The following DYNC1I1 variants were observed in gnomAD, a reference collection of about 807,000 sequenced individuals.
DYNC1I1 encodes the protein cytoplasmic dynein 1 intermediate chain 1.
DYNC1I1 carries 43 observed loss-of-function variants against 86.6 expected under a neutral mutation model. That is an observed-to-expected ratio of 0.50 (90% CI 0.39 to 0.64). The LOEUF (loss-of-function observed/expected upper bound fraction) is 0.64, where lower values mean the gene tolerates loss of function less well. Among genes scored for constraint, DYNC1I1 ranks in the 30% least tolerant of loss-of-function variants. The pLI is 0.00. For missense variants in DYNC1I1, 604 were observed against 788.8 expected, an observed-to-expected ratio of 0.77 and a Z score of 2.81; for synonymous variants, 262 against 283.7, an observed-to-expected ratio of 0.92 and a Z score of 0.77.
At chr7:96,066,386 G>A (rs1463274300) in intron 14 of DYNC1I1, among the ~76,000 whole-genome samples, 1 of 152,180 alleles carries the variant, frequency 6.6e-6, no homozygotes, top group Non-Finnish European at 1.5e-5. Context: ...CCTAACATCT[G>A]TACCACAGAA....
chr7:95,955,630 C>T (rs1006213943), intron 6 of DYNC1I1, among the ~76,000 whole-genome samples: 4 of 152,164 alleles, frequency 2.6e-5, no homozygotes, highest in African/African-American at 9.7e-5. Flanking sequence ...CCCTTCACCA[C>T]AGAGAGGTGA....
chr7:95,907,141 G>A (rs1189079688), intron 6 of DYNC1I1, among the ~76,000 whole-genome samples: 1 of 152,086 alleles, frequency 6.6e-6, no homozygotes, highest in East Asian at 1.9e-4. Flanking sequence ...CAAAAACAGA[G>A]CTGTTGATCT....
At chr7:96,097,159 A>C (rs1358068380) in intron 16 of DYNC1I1, among the ~76,000 whole-genome samples, 1 of 152,148 alleles carries the variant, frequency 6.6e-6, no homozygotes. Context: ...TGTTCACTGT[A>C]AGTCTGGTCT....
chr7:96,009,852 T>G (rs1188186436), intron 10 of DYNC1I1, among the ~76,000 whole-genome samples: 1 of 151,918 alleles, frequency 6.6e-6, no homozygotes, highest in African/African-American at 2.4e-5. Context: ...CGATCTCGGC[T>G]CACCACAACC....
chr7:95,936,016 G>A (rs1792031196), intron 6 of DYNC1I1, among the ~76,000 whole-genome samples: 1 of 151,956 alleles, frequency 6.6e-6, no homozygotes, highest in Non-Finnish European at 1.5e-5. Flanking sequence ...CAGTAACACA[G>A]ATAATTTCTT....
chr7:95,784,861 T>C (rs1794087650), intron 1 of DYNC1I1, among the ~76,000 whole-genome samples: 2 of 152,208 alleles, frequency 1.3e-5, no homozygotes, highest in Non-Finnish European at 2.9e-5. Flanking sequence ...AATTTAAGAA[T>C]CTCTGATCCT....
At chr7:95,790,568 C>A (rs796416409) in intron 1 of DYNC1I1, among the ~76,000 whole-genome samples, 55 of 152,302 alleles carry the variant, frequency 3.6e-4, no homozygotes, top group African/African-American at 1.3e-3. Context: ...CTTATGGAAT[C>A]TTTAGTAACT....
intron 4 of DYNC1I1, chr7:95,818,585 A>C: frequency 1.6e-6 from 1 of 619,942 alleles, no homozygotes; most frequent in Non-Finnish European, 2.9e-6. Context: ...AAGTGGTGGG[A>C]TCCTCCTGCC....
At chr7:95,844,964 T>C (rs1322932139) in intron 5 of DYNC1I1, among the ~76,000 whole-genome samples, 1 of 152,196 alleles carries the variant, frequency 6.6e-6, no homozygotes, top group Non-Finnish European at 1.5e-5. Flanking sequence ...TTTTGGGAAA[T>C]GGCTATTTTC....
intron 16 of DYNC1I1, among the ~76,000 whole-genome samples, chr7:96,109,191 AT>A (rs376618098): frequency 5.7e-4 from 82 of 143,990 alleles, no homozygotes; most frequent in African/African-American, 2.0e-3. Context: ...ATTGTTTCTT[AT>A]TTTCCTGCTT....
chr7:95,975,333 A>C (rs1199795073), intron 6 of DYNC1I1, among the ~76,000 whole-genome samples: 2 of 152,190 alleles, frequency 1.3e-5, no homozygotes, highest in African/African-American at 2.4e-5. Context: ...ATCTGAGATC[A>C]AGAAGTCTGT....
chr7:96,001,034 C>T (rs1793998576), intron 10 of DYNC1I1, among the ~76,000 whole-genome samples: 1 of 152,170 alleles, frequency 6.6e-6, no homozygotes, highest in Admixed American at 6.6e-5. Context: ...CATATCATTA[C>T]AAAAACTAGC....
intron 10 of DYNC1I1, among the ~76,000 whole-genome samples, chr7:96,025,035 T>A (rs2115939680): frequency 6.6e-6 from 1 of 152,216 alleles, no homozygotes; most frequent in Middle Eastern, 3.4e-3. Context: ...TATAAATATA[T>A]CTATACACAT....
chr7:95,933,009 T>C (rs981500408), intron 6 of DYNC1I1, among the ~76,000 whole-genome samples: 1 of 151,506 alleles, frequency 6.6e-6, no homozygotes, highest in African/African-American at 2.4e-5. Flanking sequence ...GCTTCCTGAG[T>C]GTCTGGGCCT....
At chr7:95,889,722 A>G (rs996969104) in intron 6 of DYNC1I1, among the ~76,000 whole-genome samples, 3 of 151,660 alleles carry the variant, frequency 2.0e-5, no homozygotes, top group Non-Finnish European at 4.4e-5. Context: ...TCCAGTATCT[A>G]TAAAAAAACT....
At chr7:95,863,185 A>G (rs963935542) in intron 5 of DYNC1I1, among the ~76,000 whole-genome samples, 6 of 152,254 alleles carry the variant, frequency 3.9e-5, no homozygotes, top group African/African-American at 1.4e-4. Context: ...TTATCCATCA[A>G]TAGAAAGAAT....
chr7:96,074,372 A>AC (rs1790264013), intron 14 of DYNC1I1, among the ~76,000 whole-genome samples: 3 of 152,120 alleles, frequency 2.0e-5, no homozygotes, highest in Middle Eastern at 3.4e-3. Context: ...ACACGGTGAA[A>AC]CCCCATCTCT....
chr7:96,079,173 A>G (rs1026063840), intron 15 of DYNC1I1, among the ~76,000 whole-genome samples: 1 of 152,166 alleles, frequency 6.6e-6, no homozygotes, highest in Non-Finnish European at 1.5e-5. Context: ...TATTGGGTCA[A>G]TAATTTCGTA....
In DYNC1I1 at chr7:95,774,932, A is replaced by G. The variant is rs567284828; in HGVS notation, c.-10+2159A>G. 2.6e-5 allele frequency among the ~76,000 whole-genome samples: 4 copies of G among 152,312 alleles called. 1 individual carries two copies. The South Asian group carries it at 8.3e-4, about 32-fold the overall frequency. ...AGCATCAAATGAAAAGGTCACATGC[A>G]TCTGTTTCAAAATCTGTTTCAAACA... is the stretch of plus-strand genomic sequence containing the variant. On this transcript the variant is annotated intron_variant, in intron 1 of 16. Coordinates refer to ENST00000447467, the MANE Select transcript of DYNC1I1 (RefSeq NM_001135556.2).
Sources: gnomAD v4.1 joint callset for allele counts (sites outside exome capture counted in the v4.1 genomes callset) on GRCh38, gnomAD v4.1.1 for gene constraint, MANE v1.5 for transcripts, NCBI Gene and HGNC (gene_info 2026-07-23, HGNC 2026-07-21) for gene names.